PHF19: variants seen among roughly 807,000 people sequenced by gnomAD.
The protein encoded by PHF19 is polycomb like 3.
PHF19 carries 21 observed loss-of-function variants against 79.8 expected under a neutral mutation model. The observed-to-expected ratio is 0.26, with a 90% CI of 0.19 to 0.38. The LOEUF is 0.38. Among genes scored for constraint, PHF19 ranks in the 10% least tolerant of loss-of-function variants. PHF19 has a pLI of 1.00. For synonymous variants in PHF19, 273 were observed against 296.3 expected (o/e 0.92, Z 0.81); for missense variants, 445 against 744.2 (o/e 0.60, Z 4.68).
chr9:120,863,037 G>A, intron 10 of PHF19: 1 of 400,784 alleles, frequency 2.5e-6, no homozygotes, highest in Non-Finnish European at 4.6e-6. Context: ...ACCTCCTGCA[G>A]GAAGCCCTCC....
At chr9:120,888,801 G>A (rs2046302304) in intron 1 of PHF19, among the ~76,000 whole-genome samples, 1 of 152,230 alleles carries the variant, frequency 6.6e-6, no homozygotes, top group Admixed American at 6.5e-5. Context: ...TGCAGGCACA[G>A]TCTGATCCAG....
At chr9:120,873,716 C>T (rs1446018087) in intron 3 of PHF19, among the ~76,000 whole-genome samples, 1 of 152,234 alleles carries the variant, frequency 6.6e-6, no homozygotes, top group Non-Finnish European at 1.5e-5. Flanking sequence ...CCTGGCCCTC[C>T]CAGCACCTCC....
rs5900463 is a variant in PHF19, at chr9:120,856,281, T to TGGG, written c.*1660_*1662dup. The stretch of plus-strand genomic sequence containing the variant: ...GCACTGTGGGAGCTGAGGTCTAAGA[T>TGGG]GGGGGGGCATCTAAACTATCTCAGG... On this transcript the variant is annotated 3_prime_UTR_variant, in exon 15 of 15. Transcript: ENST00000373896. 2 of 152,516 alleles carry TGGG rather than the reference T, an allele frequency of 1.3e-5. No homozygotes were observed. The highest frequency in any genetic ancestry group is 4.8e-5 in the African/African-American group (2 of 41,340). The allele number at this position is 152,516 out of a possible 1,614,324, so 9.4% of individuals were successfully genotyped here.
At chr9:120,864,355 G>A (rs1447271534) in intron 9 of PHF19, among the ~76,000 whole-genome samples, 2 of 152,040 alleles carry the variant, frequency 1.3e-5, no homozygotes, top group South Asian at 2.1e-4. Flanking sequence ...CCATACCCTT[G>A]ACCCAGTAAT....
Position 120,857,783 on chromosome 9 carries a change from C to A in PHF19, c.*161G>T. 1.7e-6 allele frequency: 1 copy of A among 576,846 alleles called. No individual in the cohort carries two copies. Among genetic ancestry groups the A allele is most frequent in the Admixed American group, 3.1e-5 (1 of 32,286 alleles). The allele number at this position is 576,846 out of a possible 1,614,324, so 35.7% of individuals were successfully genotyped here. A position where few individuals can be genotyped will look rare whatever the true frequency, so the allele number is the denominator to read the frequency against. ...ACAGAGCTGGTACAGCAGAGAGACG[C>A]AGGCCTTGGCCTGGCAGGCAGGCAG... On this transcript the variant is annotated 3_prime_UTR_variant, in exon 15 of 15. Transcript: ENST00000373896.
At chr9:120,873,842 A>C in intron 3 of PHF19, 137 bp downstream of exon 3, 1 of 636,066 alleles carries the variant, frequency 1.6e-6, no homozygotes, top group Admixed American at 2.7e-5. Context: ...GATCATCATC[A>C]CAGGTGGGCT....
In PHF19 at chr9:120,869,328, T is replaced by C. The variant is rs749046356; in HGVS notation, c.468A>G (p.Lys156=). Residue 156 remains lysine (K), a splice_region_variant and synonymous_variant, in exon 6 of 15, where the codon AAA becomes AAG. Transcript: ENST00000373896. This position sits in a 1 kb window ranked among gnomAD's most constrained non-coding sequence, Gnocchi z 5.8. ...TGGCGCCCTTCTTCAGCGCGCCGCC[T>C]TTCTGGGGGGAGACGAGGGCCCCAG... The part of the protein sequence containing the change: ...RRCIFALAVR[K]GGALKKGAIA... The C allele has an allele frequency of 6.2e-7, 1 of 1,611,952 alleles. No homozygotes were observed. Among genetic ancestry groups the C allele is most frequent in the East Asian group, 2.2e-5 (1 of 44,856 alleles).
At chr9:120,871,950 A>G (rs1474941507) in intron 3 of PHF19, among the ~76,000 whole-genome samples, 3 of 146,488 alleles carry the variant, frequency 2.0e-5, no homozygotes, top group Non-Finnish European at 4.5e-5. Context: ...AGGCAGAAGA[A>G]TCACTTGAAC....
In PHF19 at chr9:120,869,172, C is replaced by T. The variant is rs1261183546; in HGVS notation, c.614+10G>A. 11 of 1,603,744 alleles carry T rather than the reference C, an allele frequency of 6.9e-6. No individual in the cohort carries two copies. Among genetic ancestry groups the T allele is most frequent in the Non-Finnish European group, 7.7e-6 (9 of 1,175,842 alleles). On this transcript the variant is annotated intron_variant, in intron 6 of 14. Transcript: ENST00000373896. The surrounding 1 kb of genome is among the most constrained non-coding windows in gnomAD (Gnocchi z 5.8). The stretch of plus-strand genomic sequence containing the variant: ...CCTGCCGCCCGGGGGGCCCTGACCC[C>T]CTGCCTTACTCTCCGGGCCCGCCGC...
At chr9:120,868,899 A>G in intron 6 of PHF19, 3 of 877,964 alleles carry the variant, frequency 3.4e-6, no homozygotes, top group Non-Finnish European at 4.2e-6. Context: ...CCGCCCCCCG[A>G]GGCCCCGCCC....
At chr9:120,897,326 G>A (rs1293682883), upstream of PHF19, among the ~76,000 whole-genome samples, 1 of 152,218 alleles carries the variant, frequency 6.6e-6, no homozygotes, top group East Asian at 1.9e-4. Flanking sequence ...GAGGCAGATG[G>A]GAGTCAGGGA....
In PHF19 at chr9:120,869,401, T is replaced by G; in HGVS notation, c.466-71A>C. 1 of 1,489,374 alleles carries G rather than the reference T, an allele frequency of 6.7e-7. No homozygotes were observed. The highest frequency in any genetic ancestry group is 9.2e-7 in the Non-Finnish European group (1 of 1,092,126). 92.3% of individuals were successfully genotyped at this position (1,489,374 alleles called of 1,614,324 possible). A position where few individuals can be genotyped will look rare whatever the true frequency, so the allele number is the denominator to read the frequency against. The stretch of plus-strand genomic sequence containing the variant: ...CCACGCGAGTCAGCACGCGGCTGTC[T>G]ATTGAGGGAAGTGCTGCCAGGGCTT... On this transcript the variant is annotated intron_variant, in intron 5 of 14. Transcript: ENST00000373896. This position sits in a 1 kb window ranked among gnomAD's most constrained non-coding sequence, Gnocchi z 5.8.
At chr9:120,864,142 A>G in intron 9 of PHF19, 26 bp from the exon 10 acceptor site, 2 of 1,609,570 alleles carry the variant, frequency 1.2e-6, no homozygotes, top group Non-Finnish European at 1.7e-6. Flanking sequence ...CCAGCAGGAC[A>G]TCAGACCCAG....
intron 1 of PHF19, among the ~76,000 whole-genome samples, chr9:120,892,046 G>A (rs918362658): frequency 1.3e-5 from 2 of 152,184 alleles, no homozygotes; most frequent in African/African-American, 4.8e-5. Flanking sequence ...TGTCCTTTGG[G>A]AATGTGGGCC....
Position 120,860,134 on chromosome 9 carries a change from G to T in PHF19, c.1356C>A (p.Ala452=). 1 of 1,601,230 alleles carries T rather than the reference G, an allele frequency of 6.2e-7. No homozygotes were observed. The highest frequency in any genetic ancestry group is 1.7e-5 in the Admixed American group (1 of 58,526). The change falls in exon 14 of 15, where the codon GCC becomes GCA. Residue 452 remains alanine (A), a synonymous_variant. Coordinates refer to ENST00000373896, the MANE Select transcript of PHF19 (RefSeq NM_015651.3). This position sits in a 1 kb window ranked among gnomAD's most constrained non-coding sequence, Gnocchi z 4.1. ...TGGTGGAGGCAGAGCCAGAGGTGCT[G>T]GCAGCGTCGGTGGAGTCGACATCTG... ...FFSDVDSTDA[A]STSGSASTSL... is the part of the protein sequence containing the mutation.
At position 120,869,552 on chromosome 9, in the gene PHF19, TA is replaced by T; in HGVS notation, c.466-223del. 2.1e-6 allele frequency: 3 copies of T among 1,443,818 alleles called. No homozygotes were observed. Among genetic ancestry groups the T allele is most frequent in the Non-Finnish European group, 2.7e-6 (3 of 1,098,746 alleles). The allele number at this position is 1,443,818 out of a possible 1,614,324, so 89.4% of individuals were successfully genotyped here. On this transcript the variant is annotated intron_variant, in intron 5 of 14. Coordinates refer to ENST00000373896, the MANE Select transcript of PHF19 (RefSeq NM_015651.3). This position sits in a 1 kb window ranked among gnomAD's most constrained non-coding sequence, Gnocchi z 5.8. ...ACAGAATTAAGAGTAATAAGCGCAATAAAGGCAACAATTACCAACATGTATT... is the reference window on the plus strand; with the variant it reads ...ACAGAATTAAGAGTAATAAGCGCAATAAGGCAACAATTACCAACATGTATT...
intron 1 of PHF19, chr9:120,894,662 C>G (rs2046383054): frequency 3.0e-6 from 1 of 332,762 alleles, no homozygotes; most frequent in Non-Finnish European, 5.2e-6. Context: ...AGGGCAGCCC[C>G]GCGCGTTTGG....
Position 120,866,800 on chromosome 9 carries a change from G to T in PHF19, c.710+70C>A. The T allele has an allele frequency of 1.2e-6, 1 of 817,370 alleles. No homozygotes were observed. The highest frequency in any genetic ancestry group is 1.4e-5 in the South Asian group (1 of 73,458). The allele number at this position is 817,370 out of a possible 1,614,324, so 50.6% of individuals were successfully genotyped here. ...CTGGAGCCTGGCAGTCAACCTGCAG[G>T]AGTTGTTGCTGCCATCCCTGCCCTC... On this transcript the variant is annotated intron_variant, in intron 7 of 14. Transcript: ENST00000373896. This position sits in a 1 kb window ranked among gnomAD's most constrained non-coding sequence, Gnocchi z 5.2.
Position 120,873,039 on chromosome 9 carries a change from C to T in PHF19, c.268+940G>A, listed in dbSNP as rs557592877. On this transcript the variant is annotated intron_variant, in intron 3 of 14. Transcript: ENST00000373896. ...CCTATGAAGCCAGTACTTTCACTAT[C>T]ACCTCTCACATGAAGAAACTAAAAC... Among the ~76,000 whole-genome samples, 49 of 152,340 alleles carry T rather than the reference C, an allele frequency of 3.2e-4. 1 individual carries two copies. The South Asian group carries it at 8.3e-3, about 26-fold the overall frequency.
Sources: gnomAD v4.1 joint callset for allele counts (sites outside exome capture counted in the v4.1 genomes callset) on GRCh38, gnomAD v4.1.1 for gene constraint, Gnocchi (gnomAD v3.1) non-coding constraint, MANE v1.5 for transcripts, NCBI Gene and HGNC (gene_info 2026-07-23, HGNC 2026-07-21) for gene names.